Variants in NHS observed in about 807,000 individuals in gnomAD.
NHS encodes the protein actin remodeling regulator NHS.
Under a neutral mutation model 72.5 loss-of-function variants are expected in NHS, and 5 were observed. The ratio of observed to expected loss-of-function variants is 0.07; its 90% CI spans 0.04 to 0.14. The LOEUF is 0.14. Among genes scored for constraint, NHS ranks in the 10% least tolerant of loss-of-function variants. The pLI, the probability that NHS is intolerant of heterozygous loss-of-function variation, is 1.00. For synonymous variants in NHS, 464 were observed against 547.7 expected (o/e 0.85, Z 2.13); for missense variants, 1,072 against 1,355.7 (o/e 0.79, Z 3.29).
At chrX:17,618,166 T>C (rs113650300) in intron 1 of NHS, among the ~76,000 whole-genome samples, 2,657 of 112,208 alleles carry the variant, frequency 0.024, 87 homozygotes, top group African/African-American at 0.083. Flanking sequence ...CTGACATATT[T>C]CTTGCCCTTG....
intron 1 of NHS, among the ~76,000 whole-genome samples, chrX:17,482,917 A>C (rs2064952124): frequency 8.9e-6 from 1 of 112,003 alleles, no homozygotes; most frequent in African/African-American, 3.2e-5. Context: ...TGGGGAGGGG[A>C]TGGGGAATGG....
intron 1 of NHS, among the ~76,000 whole-genome samples, chrX:17,495,822 C>A (rs917094525): frequency 1.8e-5 from 2 of 111,819 alleles, no homozygotes; most frequent in African/African-American, 6.5e-5. Flanking sequence ...GGAATTGGCT[C>A]CACTGGTGAT....
At chrX:17,663,695 G>A in intron 1 of NHS, among the ~76,000 whole-genome samples, 1 of 112,043 alleles carries the variant, frequency 8.9e-6, no homozygotes, top group Non-Finnish European at 1.9e-5. Context: ...AATCTTTGTG[G>A]ATTTACATTT....
intron 1 of NHS, among the ~76,000 whole-genome samples, chrX:17,484,946 A>C (rs1442982160): frequency 2.7e-5 from 3 of 111,527 alleles, no homozygotes; most frequent in African/African-American, 6.5e-5. Context: ...CTGTCCTCAG[A>C]GTGGATGGCA....
chrX:17,551,108 A>AC (rs944496502), intron 1 of NHS, among the ~76,000 whole-genome samples: 2 of 110,050 alleles, frequency 1.8e-5, no homozygotes, highest in African/African-American at 3.3e-5. Flanking sequence ...GGCTCTCTGA[A>AC]CCCCCCTTCC....
intron 1 of NHS, among the ~76,000 whole-genome samples, chrX:17,615,187 TATATACAC>T (rs768421604): frequency 0.049 from 4,643 of 94,368 alleles, 439 homozygotes; most frequent in African/African-American, 0.18. Context: ...ATATATAGTA[TATATACAC>T]ATATATACGT....
rs768504352 is a variant in NHS at position 17,390,555 on chromosome X, G to A, written c.565+14233G>A. ...TTTCTGCTGCATAAACAGGAGAGAC[G>A]GAGGCTTCAAAGTTTGCGGCAATGT... On this transcript the variant is annotated intron_variant, in intron 1 of 8. Coordinates refer to ENST00000676302, the MANE Select transcript of NHS (RefSeq NM_001291867.2). Among the ~76,000 whole-genome samples, 6 of 111,753 alleles carry A rather than the reference G, an allele frequency of 5.4e-5. No homozygotes were observed. The East Asian group carries it at 1.7e-3, about 31-fold the overall frequency.
At chrX:17,622,863 G>A (rs1191178082) in intron 1 of NHS, among the ~76,000 whole-genome samples, 3 of 111,260 alleles carry the variant, frequency 2.7e-5, no homozygotes, top group South Asian at 7.7e-4. Flanking sequence ...TGTATGGGAG[G>A]GCTCCACGGG....
intron 1 of NHS, among the ~76,000 whole-genome samples, chrX:17,602,137 T>C (rs2147050648): frequency 9.0e-6 from 1 of 111,523 alleles, no homozygotes; most frequent in Non-Finnish European, 1.9e-5. Flanking sequence ...CTAGGATTCC[T>C]AAGGAATAGG....
At chrX:17,484,456 C>T (rs2064959287) in intron 1 of NHS, among the ~76,000 whole-genome samples, 1 of 111,812 alleles carries the variant, frequency 8.9e-6, no homozygotes, top group Admixed American at 9.5e-5. Flanking sequence ...CAGATCCTCC[C>T]AAGAGGAGGG....
intron 1 of NHS, among the ~76,000 whole-genome samples, chrX:17,427,306 C>A (rs1173940072): frequency 1.8e-5 from 2 of 111,841 alleles, no homozygotes; most frequent in Admixed American, 1.9e-4. Flanking sequence ...GGACTGACCA[C>A]AGACTTGGGC....
At chrX:17,438,068 C>T (rs2064732639) in intron 1 of NHS, among the ~76,000 whole-genome samples, 2 of 112,226 alleles carry the variant, frequency 1.8e-5, no homozygotes, top group Admixed American at 1.9e-4. Context: ...GAATTGCCAT[C>T]AGGTATGCGG....
At chrX:17,716,783 G>A (rs935529158) in intron 3 of NHS, among the ~76,000 whole-genome samples, 45 of 110,717 alleles carry the variant, frequency 4.1e-4, no homozygotes, top group African/African-American at 1.4e-3. Flanking sequence ...CCACAAAAAC[G>A]CATGTCTGCC....
chrX:17,410,997 C>T (rs931882155), intron 1 of NHS, among the ~76,000 whole-genome samples: 1 of 111,528 alleles, frequency 9.0e-6, no homozygotes, highest in Non-Finnish European at 1.9e-5. Flanking sequence ...TTACAAGTGG[C>T]TTTCAAGACA....
chrX:17,578,110 A>G (rs1601783172), intron 1 of NHS, among the ~76,000 whole-genome samples: 1 of 112,432 alleles, frequency 8.9e-6, no homozygotes, highest in African/African-American at 3.2e-5. Flanking sequence ...TGTAGTAAGC[A>G]TTTCATAAAT....
At chrX:17,613,784 A>G (rs947162911) in intron 1 of NHS, among the ~76,000 whole-genome samples, 1 of 112,365 alleles carries the variant, frequency 8.9e-6, no homozygotes, top group South Asian at 3.7e-4. Context: ...ACAGTGGGAT[A>G]AATACTGAAG....
At chrX:17,579,763 C>G (rs922530294) in intron 1 of NHS, among the ~76,000 whole-genome samples, 1 of 111,392 alleles carries the variant, frequency 9.0e-6, no homozygotes, top group African/African-American at 3.3e-5. Flanking sequence ...TTTCTCACCT[C>G]AAGAATTGCA....
intron 1 of NHS, among the ~76,000 whole-genome samples, chrX:17,566,064 G>A (rs1272175234): frequency 9.3e-6 from 1 of 106,988 alleles, no homozygotes; most frequent in African/African-American, 3.4e-5. Flanking sequence ...CTGCAGCCTC[G>A]ACCACTCTGG....
At chrX:17,552,827 C>T (rs1376610514) in intron 1 of NHS, among the ~76,000 whole-genome samples, 1 of 112,642 alleles carries the variant, frequency 8.9e-6, no homozygotes, top group African/African-American at 3.2e-5. Flanking sequence ...TGCAGAATCT[C>T]AGGCCCCAGC....
Sources: gnomAD v4.1 joint callset for allele counts (sites outside exome capture counted in the v4.1 genomes callset) on GRCh38, gnomAD v4.1.1 for gene constraint, MANE v1.5 for transcripts, NCBI Gene and HGNC (gene_info 2026-07-23, HGNC 2026-07-21) for gene names.